ASCC3: variants seen among roughly 807,000 people sequenced by gnomAD.
The protein encoded by ASCC3 is activating signal cointegrator 1 complex subunit 3.
Under a neutral mutation model 256.3 loss-of-function variants are expected in ASCC3, and 158 were observed. The observed-to-expected ratio is 0.62, with a 90% CI of 0.54 to 0.70. The LOEUF is 0.70. Ranked by LOEUF, ASCC3 falls within the 30% of genes least tolerant of loss-of-function variation. ASCC3 has a pLI of 0.00. For synonymous variants in ASCC3, 948 were observed against 883.4 expected (o/e 1.07, Z -1.30); for missense variants, 2,259 against 2,626.0 (o/e 0.86, Z 3.05).
intron 37 of ASCC3, among the ~76,000 whole-genome samples, chr6:100,532,335 C>CGTGTGTGTGTGT (rs3073701): frequency 1.0e-5 from 1 of 99,826 alleles, no homozygotes; most frequent in East Asian, 3.1e-4. Flanking sequence ...TGCTATCTTG[C>CGTGTGTGTGTGT]GTGTGTGTGT....
At chr6:100,649,822 A>T (rs1582632577) in intron 20 of ASCC3, among the ~76,000 whole-genome samples, 1 of 151,684 alleles carries the variant, frequency 6.6e-6, no homozygotes, top group Admixed American at 6.6e-5. Context: ...TAATTTTTTT[A>T]AAAAAGTATG....
At chr6:100,605,102 T>C (rs758075417) in intron 33 of ASCC3, among the ~76,000 whole-genome samples, 40 of 152,290 alleles carry the variant, frequency 2.6e-4, no homozygotes, top group Non-Finnish European at 4.4e-4. Flanking sequence ...TTATTAACTG[T>C]ACAACTGTAC....
At chr6:100,826,892 G>A (rs1294777090) in intron 4 of ASCC3, among the ~76,000 whole-genome samples, 2 of 152,128 alleles carry the variant, frequency 1.3e-5, no homozygotes, top group Non-Finnish European at 2.9e-5. Flanking sequence ...GTAGCTGCCA[G>A]CCACATGAGG....
chr6:100,652,929 G>C (rs1247427186), intron 17 of ASCC3, 40 bp from the exon 18 acceptor site: 3 of 1,569,596 alleles, frequency 1.9e-6, no homozygotes, highest in Non-Finnish European at 2.6e-6. Flanking sequence ...TAGTGCTTTA[G>C]AGAGTAACCA....
At chr6:100,785,581 T>A (rs1186134810) in intron 8 of ASCC3, among the ~76,000 whole-genome samples, 1 of 152,100 alleles carries the variant, frequency 6.6e-6, no homozygotes, top group Non-Finnish European at 1.5e-5. Context: ...TTTTTAATTT[T>A]AAAAAATATG....
chr6:100,591,339 T>C (rs17245314), intron 34 of ASCC3, among the ~76,000 whole-genome samples: 27,842 of 152,000 alleles, frequency 0.18, 3,160 homozygotes, highest in Middle Eastern at 0.34. Context: ...TCAAGCCATA[T>C]AAAAGATACA....
chr6:100,666,667 A>AG (rs1776490238), intron 14 of ASCC3, among the ~76,000 whole-genome samples: 1 of 152,136 alleles, frequency 6.6e-6, no homozygotes, highest in South Asian at 2.1e-4. Context: ...ATAAGGAGCG[A>AG]GTTTTTTACA....
At chr6:100,769,424 C>G (rs1258772891) in intron 8 of ASCC3, among the ~76,000 whole-genome samples, 2 of 151,778 alleles carry the variant, frequency 1.3e-5, no homozygotes, top group Non-Finnish European at 2.9e-5. Context: ...GCTAATTACC[C>G]TGATTTGATC....
chr6:100,550,402 CCT>C (rs1769230239), intron 36 of ASCC3, among the ~76,000 whole-genome samples: 1 of 151,842 alleles, frequency 6.6e-6, no homozygotes, highest in African/African-American at 2.4e-5. Flanking sequence ...CCCATTTTCC[CCT>C]GAGAAAGAGA....
chr6:100,835,174 TAG>T (rs1554241988), intron 4 of ASCC3, among the ~76,000 whole-genome samples: 1 of 152,136 alleles, frequency 6.6e-6, no homozygotes, highest in Non-Finnish European at 1.5e-5. Flanking sequence ...TTTCAAAAAT[TAG>T]AGTTATTCTC....
chr6:100,716,810 T>G (rs753014308), intron 12 of ASCC3, among the ~76,000 whole-genome samples: 2 of 151,928 alleles, frequency 1.3e-5, no homozygotes, highest in African/African-American at 4.8e-5. Context: ...ATGATGCAAC[T>G]GAAAGAAAAT....
chr6:100,635,877 T>A (rs1774818428), intron 25 of ASCC3, among the ~76,000 whole-genome samples: 1 of 152,162 alleles, frequency 6.6e-6, no homozygotes, highest in African/African-American at 2.4e-5. Context: ...CAAACTATAT[T>A]AAAGCACTAG....
chr6:100,790,567 T>C (rs1769305138), intron 8 of ASCC3, among the ~76,000 whole-genome samples: 1 of 152,004 alleles, frequency 6.6e-6, no homozygotes, highest in African/African-American at 2.4e-5. Context: ...AACACACTGA[T>C]ATATTGAAAG....
chr6:100,548,774 G>A (rs996564520), intron 36 of ASCC3, among the ~76,000 whole-genome samples: 1 of 151,802 alleles, frequency 6.6e-6, no homozygotes. Context: ...AAAGAGAAGT[G>A]AGGAGTGTTC....
chr6:100,677,156 A>C (rs1418864327), intron 14 of ASCC3, among the ~76,000 whole-genome samples: 1 of 152,160 alleles, frequency 6.6e-6, no homozygotes, highest in African/African-American at 2.4e-5. Flanking sequence ...AAGAAATATG[A>C]AGGAATGTAC....
intron 4 of ASCC3, among the ~76,000 whole-genome samples, chr6:100,838,423 T>C (rs773630775): frequency 6.6e-6 from 1 of 152,006 alleles, no homozygotes; most frequent in African/African-American, 2.4e-5. Flanking sequence ...TATTCATACA[T>C]TATAAAATAA....
Position 100,509,356 on chromosome 6 carries a change from A to G in ASCC3, c.*30T>C, listed in dbSNP as rs575095224. ...GACTGAACAGAGAGAATTCTTAGCC[A>G]CTCCTTTCAAATGGATTGTTCAGGT... On this transcript the variant is annotated 3_prime_UTR_variant, in exon 42 of 42. Coordinates refer to ENST00000369162, the MANE Select transcript of ASCC3 (RefSeq NM_006828.4). 3 of 1,613,126 alleles carry G rather than the reference A, an allele frequency of 1.9e-6. No homozygotes were observed. The highest frequency in any genetic ancestry group is 2.2e-5 in the East Asian group (1 of 44,840).
intron 11 of ASCC3, among the ~76,000 whole-genome samples, chr6:100,725,299 C>T (rs1779569931): frequency 6.6e-6 from 1 of 151,806 alleles, no homozygotes; most frequent in African/African-American, 2.4e-5. Context: ...GAATGGTTAA[C>T]AGAAAATATC....
intron 8 of ASCC3, among the ~76,000 whole-genome samples, chr6:100,791,933 G>T (rs958716107): frequency 5.3e-5 from 8 of 151,816 alleles, no homozygotes; most frequent in Admixed American, 2.0e-4. Flanking sequence ...TTGAGGAAAA[G>T]CCAAAAAAAT....
Sources: gnomAD v4.1 joint callset for allele counts (sites outside exome capture counted in the v4.1 genomes callset) on GRCh38, gnomAD v4.1.1 for gene constraint, MANE v1.5 for transcripts, NCBI Gene and HGNC (gene_info 2026-07-23, HGNC 2026-07-21) for gene names.